Variants in ZSWIM5 observed in about 807,000 individuals in gnomAD.
ZSWIM5 encodes zinc finger SWIM-type containing 5, also known as zinc finger SWIM domain-containing protein 5.
Under a neutral mutation model 119.6 loss-of-function variants are expected in ZSWIM5, and 55 were observed. That is an observed-to-expected ratio of 0.46 (90% CI 0.37 to 0.58). ZSWIM5 has a LOEUF of 0.58. Ranked by LOEUF, ZSWIM5 falls within the 20% of genes least tolerant of loss-of-function variation. The pLI is 0.00. For missense variants in ZSWIM5, 1,193 were observed against 1,512.8 expected (o/e 0.79, Z 3.51); for synonymous variants, 537 against 606.9 (o/e 0.88, Z 1.69).
intron 1 of ZSWIM5, among the ~76,000 whole-genome samples, chr1:45,182,435 C>G (rs1646027345): frequency 6.6e-6 from 1 of 150,642 alleles, no homozygotes; most frequent in Non-Finnish European, 1.5e-5. Context: ...AACAAACAAA[C>G]AAAAAGACAC....
Position 45,206,248 on chromosome 1 carries a change from C to G in ZSWIM5, c.103G>C (p.Gly35Arg). 1 of 1,585,204 alleles carries G rather than the reference C, an allele frequency of 6.3e-7. No homozygotes were observed. Among genetic ancestry groups the G allele is most frequent in the South Asian group, 1.1e-5 (1 of 87,422 alleles). The change falls in exon 1 of 14, where the codon GGT (glycine) becomes CGT (arginine). Residue 35 changes from glycine to arginine, a missense_variant. Physicochemically the swap from Gly to Arg is moderately radical, Grantham distance 125. Around this residue, in one of 2 missense-constraint regions of ZSWIM5, gnomAD observed 232 missense variants for 222.9 expected, o/e 1.04. Transcript: ENST00000359600. ...CCTCCGCCGGCTGCCCCAGGCGAAC[C>G]GCGAGGGTGATGAGCCTGCGGGCTG... ...WPSPQAHHPRGSPGAAGGGAG... is the reference protein window; with the variant it reads ...WPSPQAHHPRRSPGAAGGGAG...
At chr1:45,191,168 C>T (rs1321799569) in intron 1 of ZSWIM5, among the ~76,000 whole-genome samples, 1 of 151,674 alleles carries the variant, frequency 6.6e-6, no homozygotes, top group Non-Finnish European at 1.5e-5. Flanking sequence ...ATCCTGACCT[C>T]GTGATCCGCC....
At chr1:45,042,386 T>G (rs1645022320) in intron 6 of ZSWIM5, among the ~76,000 whole-genome samples, 1 of 152,224 alleles carries the variant, frequency 6.6e-6, no homozygotes, top group African/African-American at 2.4e-5. Context: ...TTCTTTCACA[T>G]GCTTATTAGA....
chr1:45,183,014 C>T (rs1396617146), intron 1 of ZSWIM5, among the ~76,000 whole-genome samples: 1 of 150,986 alleles, frequency 6.6e-6, no homozygotes, highest in African/African-American at 2.4e-5. Context: ...CTCTCCTCAG[C>T]AAATGTAAAA....
chr1:45,069,005 C>A (rs1332690986), intron 2 of ZSWIM5, among the ~76,000 whole-genome samples: 4 of 150,562 alleles, frequency 2.7e-5, no homozygotes, highest in African/African-American at 9.8e-5. Context: ...GAGATGGGGA[C>A]CTTACTTTGT....
At chr1:45,040,194 C>T (rs1252268790) in intron 7 of ZSWIM5, among the ~76,000 whole-genome samples, 198 bp downstream of exon 7, 1 of 152,182 alleles carries the variant, frequency 6.6e-6, no homozygotes, top group Non-Finnish European at 1.5e-5. Flanking sequence ...AGCCTTCTAA[C>T]TGCCTTATGA....
At chr1:45,051,490 G>A (rs1645088311) in intron 4 of ZSWIM5, among the ~76,000 whole-genome samples, 1 of 152,128 alleles carries the variant, frequency 6.6e-6, no homozygotes. Context: ...ACAGATTTAG[G>A]CTTGAACTCT....
At chr1:45,128,051 A>G (rs756028039) in intron 1 of ZSWIM5, among the ~76,000 whole-genome samples, 1 of 152,216 alleles carries the variant, frequency 6.6e-6, no homozygotes, top group Non-Finnish European at 1.5e-5. Context: ...AAAAATGTCA[A>G]TTCTTTCTAA....
chr1:45,165,269 G>A (rs2149043173), intron 1 of ZSWIM5, among the ~76,000 whole-genome samples: 1 of 152,222 alleles, frequency 6.6e-6, no homozygotes, highest in African/African-American at 2.4e-5. Context: ...TGAAACCAAT[G>A]AGAACAAGGA....
intron 8 of ZSWIM5, among the ~76,000 whole-genome samples, chr1:45,038,053 G>A (rs1644995998): frequency 6.6e-6 from 1 of 152,188 alleles, no homozygotes; most frequent in African/African-American, 2.4e-5. Context: ...AAATTGTAAT[G>A]TAGCATGCTA....
chr1:45,056,957 C>T (rs1645127466), intron 4 of ZSWIM5, among the ~76,000 whole-genome samples: 1 of 152,144 alleles, frequency 6.6e-6, no homozygotes, highest in South Asian at 2.1e-4. Context: ...ATTTGTAGTT[C>T]CTACAAACCC....
intron 1 of ZSWIM5, among the ~76,000 whole-genome samples, chr1:45,183,242 C>G (rs1646033850): frequency 6.7e-6 from 1 of 149,826 alleles, no homozygotes. Flanking sequence ...GGGACACATT[C>G]AAAGCAGTGT....
At chr1:45,159,742 C>T (rs138522587) in intron 1 of ZSWIM5, among the ~76,000 whole-genome samples, 12 of 152,168 alleles carry the variant, frequency 7.9e-5, no homozygotes, top group Admixed American at 7.2e-4. Flanking sequence ...GTGCCCAATA[C>T]CACACCCAGC....
chr1:45,024,946 C>T (rs191615268), intron 11 of ZSWIM5, among the ~76,000 whole-genome samples: 734 of 152,190 alleles, frequency 4.8e-3, no homozygotes, highest in Admixed American at 6.6e-3. Flanking sequence ...TGAGCCACTG[C>T]GCCCGGCCAT....
intron 11 of ZSWIM5, among the ~76,000 whole-genome samples, chr1:45,026,565 T>C (rs1259831494): frequency 6.6e-6 from 1 of 152,234 alleles, no homozygotes; most frequent in Non-Finnish European, 1.5e-5. Context: ...ACTTACATAC[T>C]TGAAATAAAT....
chr1:45,143,284 AC>A (rs766115284), intron 1 of ZSWIM5, among the ~76,000 whole-genome samples: 2 of 152,126 alleles, frequency 1.3e-5, no homozygotes, highest in Non-Finnish European at 2.9e-5. Context: ...AGAAACATAT[AC>A]AAAGAATAAT....
At chr1:45,178,033 C>G (rs1024173440) in intron 1 of ZSWIM5, among the ~76,000 whole-genome samples, 1 of 151,820 alleles carries the variant, frequency 6.6e-6, no homozygotes, top group Non-Finnish European at 1.5e-5. Context: ...CTACACCCGG[C>G]CTTATGTGAT....
Position 45,029,135 on chromosome 1 carries a change from T to C in ZSWIM5, c.2449+5177A>G, listed in dbSNP as rs139159311. Among the ~76,000 whole-genome samples, 5 of 152,332 alleles carry C rather than the reference T, an allele frequency of 3.3e-5. No homozygotes were observed. In the East Asian group the frequency reaches 9.6e-4, roughly 29 times the overall value. On this transcript the variant is annotated intron_variant, in intron 11 of 13. Coordinates refer to ENST00000359600, the MANE Select transcript of ZSWIM5 (RefSeq NM_020883.2). ...CCATCAAAAGCAGCAAATTAACAGA[T>C]ATATTCCTACCATCTACCACCGACC...
At chr1:45,059,986 C>T in intron 3 of ZSWIM5, 113 bp downstream of exon 3, 1 of 1,319,822 alleles carries the variant, frequency 7.6e-7, no homozygotes, top group Non-Finnish European at 1.0e-6. Context: ...GTATTCAGTT[C>T]AGCTATGTCA....
Sources: gnomAD v4.1 joint callset for allele counts (sites outside exome capture counted in the v4.1 genomes callset) on GRCh38, gnomAD v4.1.1 for gene constraint, gnomAD v4.1.1 regional missense constraint, MANE v1.5 for transcripts, NCBI Gene and HGNC (gene_info 2026-07-23, HGNC 2026-07-21) for gene names.